ZNF276: variants seen among roughly 807,000 people sequenced by gnomAD.
ZNF276 encodes the protein zinc finger protein 276, also known as centromere protein Z.
ZNF276 carries 59 observed loss-of-function variants against 63.9 expected under a neutral mutation model. The ratio of observed to expected loss-of-function variants is 0.92; its 90% CI spans 0.75 to 1.15. The LOEUF is 1.15. ZNF276 is among the 50% of genes most tolerant of loss of function. The probability of loss-of-function intolerance (pLI) is 0.00; values close to 1 mark genes in which losing one functional copy is unlikely to be tolerated. For synonymous variants in ZNF276, 496 were observed against 348.4 expected (o/e 1.42, Z -4.72); for missense variants, 1,084 against 843.8 (o/e 1.28, Z -3.53).
intron 2 of ZNF276, 21 bp downstream of exon 2, chr16:89,722,855 A>G: frequency 6.3e-7 from 1 of 1,593,664 alleles, no homozygotes; most frequent in African/African-American, 1.3e-5. Context: ...GTCTGTTCAG[A>G]GCACGTTCAG....
At chr16:89,733,138 G>C (rs1283996598) in intron 6 of ZNF276, 164 bp from the exon 7 acceptor site, 8 of 676,280 alleles carry the variant, frequency 1.2e-5, no homozygotes, top group Admixed American at 2.8e-5. Context: ...CTCCTGTCCA[G>C]AGTTGCTCTG....
chr16:89,737,394 G>A (rs1178290664), intron 9 of ZNF276, among the ~76,000 whole-genome samples: 14 of 151,658 alleles, frequency 9.2e-5, no homozygotes, highest in African/African-American at 2.7e-4. Context: ...GGTGGGGGGC[G>A]CCTGTAATCC....
Position 89,739,939 on chromosome 16 carries a change from A to T in ZNF276, c.*1693A>T, listed in dbSNP as rs7195906. The T allele has an allele frequency of 0.46, 737,290 of 1,604,774 alleles. 184,066 individuals are homozygous for T. Among genetic ancestry groups the T allele is most frequent in the East Asian group, 0.98 (43,671 of 44,640 alleles). On this transcript the variant is annotated 3_prime_UTR_variant, in exon 11 of 11. Transcript: ENST00000443381. ...GGGCTCGTTCTTAACCATTTGCAAG[A>T]TGCCTCTGAAAAGAGCGGCCCTCCG...
chr16:89,735,508 T>C (rs2061827982), intron 9 of ZNF276, among the ~76,000 whole-genome samples: 1 of 113,204 alleles, frequency 8.8e-6, no homozygotes, highest in Non-Finnish European at 1.6e-5. Flanking sequence ...TGGCAGCACT[T>C]CCTTGGGTTT....
chr16:89,723,759 G>A (rs4785590), intron 4 of ZNF276, 50 bp downstream of exon 4: 2 of 1,545,154 alleles, frequency 1.3e-6, no homozygotes, highest in South Asian at 1.2e-5. Flanking sequence ...GCTCCTCAGT[G>A]GGGCAGGGTT....
chr16:89,736,026 G>A (rs2061866370), intron 9 of ZNF276, among the ~76,000 whole-genome samples: 1 of 152,144 alleles, frequency 6.6e-6, no homozygotes, highest in Middle Eastern at 3.4e-3. Context: ...CAAATAGCTG[G>A]GACTACAGGT....
intron 9 of ZNF276, among the ~76,000 whole-genome samples, chr16:89,737,279 T>G (rs17233854): frequency 0.018 from 2,788 of 152,258 alleles, 39 homozygotes; most frequent in Non-Finnish European, 0.031. Context: ...CCCAGCACTT[T>G]GGGAGACCGA....
At position 89,738,510 on chromosome 16, in the gene ZNF276, A is replaced by G; in HGVS notation, c.*264A>G. On this transcript the variant is annotated 3_prime_UTR_variant, in exon 11 of 11. Coordinates refer to ENST00000443381, the MANE Select transcript of ZNF276 (RefSeq NM_001113525.2). ...CACTAAAGCAGTCGAGGAGATTTGT[A>G]ATCCACTTTTTAGTGCAACAAGAGC... 1 of 1,580,292 alleles carries G rather than the reference A, an allele frequency of 6.3e-7. No individual in the cohort carries two copies. Among genetic ancestry groups the G allele is most frequent in the Non-Finnish European group, 8.7e-7 (1 of 1,153,246 alleles).
chr16:89,736,255 G>A (rs1000944023), intron 9 of ZNF276, among the ~76,000 whole-genome samples: 4 of 151,896 alleles, frequency 2.6e-5, no homozygotes, highest in Non-Finnish European at 2.9e-5. Context: ...TCGAGTTCCT[G>A]ACCTCAGGTG....
Position 89,721,744 on chromosome 16 carries a change from C to A in ZNF276, c.104C>A (p.Ser35Tyr). 1.5e-6 allele frequency: 2 copies of A among 1,323,290 alleles called. No individual in the cohort carries two copies. Among genetic ancestry groups the A allele is most frequent in the East Asian group, 3.1e-5 (1 of 31,926 alleles). The allele number at this position is 1,323,290 out of a possible 1,614,324, so 82.0% of individuals were successfully genotyped here. ...GGVSRTRGRP[S>Y]LSGGPRVDGA... ...GTCAGCCGGACTCGGGGCCGCCCTT[C>A]CCTTAGCGGTGGGCCGAGGGTGGAC... The change falls in exon 1 of 11, where the codon TCC (serine) becomes TAC (tyrosine). Residue 35 changes from serine (S) to tyrosine (Y), a missense_variant. By Grantham distance (144) the Ser-to-Tyr change is moderately radical. Coordinates refer to ENST00000443381, the MANE Select transcript of ZNF276 (RefSeq NM_001113525.2).
In ZNF276 at chr16:89,739,860, T is replaced by G; in HGVS notation, c.*1614T>G. On this transcript the variant is annotated 3_prime_UTR_variant, in exon 11 of 11. Coordinates refer to ENST00000443381, the MANE Select transcript of ZNF276 (RefSeq NM_001113525.2). Reference sequence around the variant, plus strand: ...TTGCTTTAAACAAGTTTGTGCTTAATCTGTCCCAACTAAAATGGAGCTTAT... The same window carrying G: ...TTGCTTTAAACAAGTTTGTGCTTAAGCTGTCCCAACTAAAATGGAGCTTAT... 1 of 1,533,998 alleles carries G rather than the reference T, an allele frequency of 6.5e-7. No individual in the cohort carries two copies. Among genetic ancestry groups the G allele is most frequent in the Non-Finnish European group, 8.7e-7 (1 of 1,143,434 alleles).
chr16:89,722,863 C>T lies in ZNF276; in HGVS notation c.509+29C>T, dbSNP rs1406632634. The T allele has an allele frequency of 3.8e-6, 6 of 1,589,332 alleles. No individual in the cohort carries two copies. The Admixed American group carries it at 8.4e-5, about 22-fold the overall frequency. ...CGCCCTAGTCTGTTCAGAGCACGTT[C>T]AGGCTGTCAGTACTGCAGTGTGACG... On this transcript the variant is annotated intron_variant, in intron 2 of 10. Transcript: ENST00000443381.
chr16:89,720,507 T>G (rs1447505839), upstream of ZNF276: 8 of 1,140,390 alleles, frequency 7.0e-6, no homozygotes, highest in Non-Finnish European at 8.6e-6. Flanking sequence ...CCTCTACAGG[T>G]GGAGCCCAGG....
In ZNF276 at chr16:89,739,749, G is replaced by C. The variant is rs892757324; in HGVS notation, c.*1503G>C. 1 of 1,488,400 alleles carries C rather than the reference G, an allele frequency of 6.7e-7. No individual in the cohort carries two copies. The highest frequency in any genetic ancestry group is 8.9e-7 in the Non-Finnish European group (1 of 1,121,852). The allele number at this position is 1,488,400 out of a possible 1,614,324, so 92.2% of individuals were successfully genotyped here. A position where few individuals can be genotyped will look rare whatever the true frequency, so the allele number is the denominator to read the frequency against. On this transcript the variant is annotated 3_prime_UTR_variant, in exon 11 of 11. Coordinates refer to ENST00000443381, the MANE Select transcript of ZNF276 (RefSeq NM_001113525.2). ...GGATGGGGGGGTCGACCTCTTGCAG[G>C]AGGGTGGGTGTGGTGCAGAGAGAGG...
intron 9 of ZNF276, among the ~76,000 whole-genome samples, chr16:89,736,354 A>C (rs942634591): frequency 7.5e-6 from 1 of 133,588 alleles, no homozygotes; most frequent in Non-Finnish European, 1.6e-5. Context: ...TTTCCGGGAC[A>C]GTCTGTGTCG....
intron 6 of ZNF276, chr16:89,732,899 C>T: frequency 7.0e-6 from 2 of 287,292 alleles, no homozygotes; most frequent in South Asian, 5.7e-5. Flanking sequence ...ACCCTGCGCC[C>T]TCGCCCTCTG....
At chr16:89,723,097 G>A (rs769306230) in intron 2 of ZNF276, 40 bp from the exon 3 acceptor site, 12 of 1,612,854 alleles carry the variant, frequency 7.4e-6, no homozygotes, top group East Asian at 2.2e-5. Flanking sequence ...GTGAACCTCC[G>A]CCTGCTTGTC....
rs878934420 is a variant in ZNF276 at position 89,740,052 on chromosome 16, G to C, written c.*1806G>C. Reference sequence around the variant, plus strand: ...ATATCTTCCTCTTCTCTAAACACTCGAGGATTGCTGCACAAACGTGGAAAG... The same window carrying C: ...ATATCTTCCTCTTCTCTAAACACTCCAGGATTGCTGCACAAACGTGGAAAG... On this transcript the variant is annotated 3_prime_UTR_variant, in exon 11 of 11. Transcript: ENST00000443381. The C allele has an allele frequency of 1.9e-6, 3 of 1,614,106 alleles. No individual in the cohort carries two copies. Among genetic ancestry groups the C allele is most frequent in the Non-Finnish European group, 1.7e-6 (2 of 1,180,016 alleles).
chr16:89,735,903 G>GT (rs200751094), intron 9 of ZNF276, among the ~76,000 whole-genome samples: 227 of 81,874 alleles, frequency 2.8e-3, no homozygotes, highest in African/African-American at 0.011. Flanking sequence ...TTGTTTGTTT[G>GT]TTTTTTTGAC....
Sources: allele counts gnomAD v4.1 joint callset (sites outside exome capture counted in the v4.1 genomes callset), GRCh38; gene constraint gnomAD v4.1.1; transcripts MANE v1.5; gene names NCBI Gene and HGNC (gene_info 2026-07-23, HGNC 2026-07-21).